Variants in LPAR1 observed in about 807,000 individuals in gnomAD.
The protein encoded by LPAR1 is LPA receptor 1.
In LPAR1, 5 loss-of-function variants were observed where a neutral mutation model predicts 23.8. The observed-to-expected ratio is 0.21, with a 90% confidence interval of 0.11 to 0.44. The LOEUF (loss-of-function observed/expected upper bound fraction) is 0.44. Among genes scored for constraint, LPAR1 ranks in the 20% least tolerant of loss-of-function variants. The pLI, the probability that LPAR1 is intolerant of heterozygous loss-of-function variation, is 0.99. For synonymous variants in LPAR1, 160 were observed against 164.7 expected (o/e 0.97, Z 0.22); for missense variants, 311 against 482.8 (o/e 0.64, Z 3.33).
At chr9:110,926,066 G>A (rs1249420940) in intron 5 of LPAR1, among the ~76,000 whole-genome samples, 3 of 152,140 alleles carry the variant, frequency 2.0e-5, no homozygotes, top group African/African-American at 4.8e-5. Flanking sequence ...GACTACAGGC[G>A]CCTGCCACTG....
chr9:111,030,198 T>C (rs752067693), intron 2 of LPAR1, among the ~76,000 whole-genome samples: 6 of 152,248 alleles, frequency 3.9e-5, no homozygotes, highest in Non-Finnish European at 7.3e-5. Context: ...GTCAGTCATC[T>C]TGCCCTAGCC....
At chr9:110,936,582 C>T (rs1254035971) in intron 5 of LPAR1, among the ~76,000 whole-genome samples, 9 of 152,156 alleles carry the variant, frequency 5.9e-5, no homozygotes, top group African/African-American at 2.2e-4. Context: ...ATAAACAACA[C>T]AGGAAGAGTA....
intron 5 of LPAR1, among the ~76,000 whole-genome samples, chr9:110,880,222 T>C (rs1260383406): frequency 1.3e-5 from 2 of 152,156 alleles, no homozygotes; most frequent in Admixed American, 6.5e-5. Flanking sequence ...GTCAAAGCAA[T>C]CTGTGAGAAC....
intron 4 of LPAR1, among the ~76,000 whole-genome samples, chr9:110,959,411 T>C (rs1486062606): frequency 6.6e-6 from 1 of 151,056 alleles, no homozygotes; most frequent in Non-Finnish European, 1.5e-5. Context: ...AGCTTAGGAG[T>C]TCAAGACCAG....
intron 4 of LPAR1, among the ~76,000 whole-genome samples, chr9:110,969,348 C>T (rs2096333262): frequency 6.6e-6 from 1 of 152,100 alleles, no homozygotes; most frequent in African/African-American, 2.4e-5. Context: ...TATTTTGCGT[C>T]TTGCTTTCTT....
intron 2 of LPAR1, among the ~76,000 whole-genome samples, chr9:110,995,590 C>T (rs939042311): frequency 2.0e-5 from 3 of 152,024 alleles, no homozygotes; most frequent in African/African-American, 7.2e-5. Context: ...GAATTATTCC[C>T]AGCTGGGTCG....
intron 2 of LPAR1, among the ~76,000 whole-genome samples, chr9:111,015,204 G>C (rs935643026): frequency 2.0e-5 from 3 of 152,090 alleles, no homozygotes; most frequent in African/African-American, 7.2e-5. Context: ...CACCCAGTCC[G>C]TGGGACTTCA....
At chr9:110,900,864 A>G (rs1055340617) in intron 5 of LPAR1, among the ~76,000 whole-genome samples, 2 of 152,234 alleles carry the variant, frequency 1.3e-5, no homozygotes, top group South Asian at 2.1e-4. Context: ...AACCTTCATC[A>G]GCACCTTCCC....
intron 2 of LPAR1, among the ~76,000 whole-genome samples, chr9:110,975,138 T>A (rs1246126244): frequency 6.6e-6 from 1 of 152,134 alleles, no homozygotes; most frequent in Non-Finnish European, 1.5e-5. Context: ...TATGCTCAGG[T>A]CCAATATCAT....
intron 2 of LPAR1, among the ~76,000 whole-genome samples, chr9:110,991,931 C>T (rs1278727422): frequency 6.6e-6 from 1 of 152,038 alleles, no homozygotes; most frequent in Admixed American, 6.6e-5. Flanking sequence ...AGGCTGTAGT[C>T]CTCAGTCAGT....
chr9:110,976,534 G>A (rs1267686366), intron 2 of LPAR1, among the ~76,000 whole-genome samples: 1 of 151,884 alleles, frequency 6.6e-6, no homozygotes, highest in Non-Finnish European at 1.5e-5. Flanking sequence ...CAAGTACTTG[G>A]ATACCTGTTC....
intron 2 of LPAR1, among the ~76,000 whole-genome samples, chr9:110,983,185 A>T (rs1773431239): frequency 6.6e-6 from 1 of 152,044 alleles, no homozygotes; most frequent in Non-Finnish European, 1.5e-5. Context: ...ACTGTTAATG[A>T]TCTTTCAAAG....
intron 5 of LPAR1, among the ~76,000 whole-genome samples, chr9:110,933,488 T>C (rs1251906399): frequency 1.3e-5 from 2 of 152,212 alleles, no homozygotes; most frequent in Admixed American, 6.5e-5. Flanking sequence ...CCTATGATTC[T>C]TACTTTGTTA....
Position 111,015,461 on chromosome 9 carries a change from C to G in LPAR1, c.-182+20661G>C, listed in dbSNP as rs185348978. On this transcript the variant is annotated intron_variant, in intron 2 of 5. Transcript: ENST00000683809. ...CCTCTTAAGATATCTCAGTACTATA[C>G]GATCTCAACTTATAGGTAGAATCTT... 2.9e-3 allele frequency among the ~76,000 whole-genome samples: 437 copies of G among 152,198 alleles called. 1 individual carries two copies. The highest frequency in any genetic ancestry group is 0.01 in the African/African-American group (424 of 41,508).
At chr9:110,897,932 C>A (rs2133653963) in intron 5 of LPAR1, among the ~76,000 whole-genome samples, 1 of 151,790 alleles carries the variant, frequency 6.6e-6, no homozygotes, top group South Asian at 2.1e-4. Context: ...ACATAAAATC[C>A]TCAAACACAG....
intron 5 of LPAR1, among the ~76,000 whole-genome samples, chr9:110,883,194 C>T: frequency 6.6e-6 from 1 of 152,138 alleles, no homozygotes; most frequent in East Asian, 1.9e-4. Context: ...TGCACGCCAC[C>T]ATGCCTAATT....
chr9:110,923,120 C>G (rs946016429), intron 5 of LPAR1, among the ~76,000 whole-genome samples: 3 of 152,174 alleles, frequency 2.0e-5, no homozygotes, highest in African/African-American at 7.2e-5. Context: ...GGTCCTGACC[C>G]TTGTGGTCTG....
At chr9:110,987,830 G>T (rs1236154497) in intron 2 of LPAR1, among the ~76,000 whole-genome samples, 1 of 151,554 alleles carries the variant, frequency 6.6e-6, no homozygotes, top group Non-Finnish European at 1.5e-5. Context: ...AGTCCCCAAA[G>T]CAAAAAGGGA....
chr9:110,951,978 C>T (rs1038544757), intron 4 of LPAR1, among the ~76,000 whole-genome samples: 32 of 152,198 alleles, frequency 2.1e-4, no homozygotes, highest in African/African-American at 7.5e-4. Flanking sequence ...GCATGCAGTA[C>T]ATTATTCTTG....
Sources: gnomAD v4.1 joint callset for allele counts (sites outside exome capture counted in the v4.1 genomes callset) on GRCh38, gnomAD v4.1.1 for gene constraint, MANE v1.5 for transcripts, NCBI Gene and HGNC (gene_info 2026-07-23, HGNC 2026-07-21) for gene names.